SYT9: variants seen among roughly 807,000 people sequenced by gnomAD.
SYT9 encodes synaptotagmin-9.
A neutral mutation model predicts 48.4 loss-of-function variants in SYT9; 22 were observed. The observed-to-expected ratio is 0.45, with a 90% CI of 0.32 to 0.65. SYT9 has a LOEUF of 0.65. SYT9 is among the 30% of genes least tolerant of loss of function. The probability of loss-of-function intolerance (pLI) is 0.03; values close to 1 mark genes in which losing one functional copy is unlikely to be tolerated. For missense variants in SYT9, 577 were observed against 622.0 expected (o/e 0.93, Z 0.77); for synonymous variants, 265 against 245.0 (o/e 1.08, Z -0.76).
chr11:7,329,092 A>G (rs1370700187), intron 3 of SYT9, among the ~76,000 whole-genome samples: 1 of 152,202 alleles, frequency 6.6e-6, no homozygotes, highest in East Asian at 1.9e-4. Context: ...TGTCTCATCA[A>G]TTCTGAAAAT....
intron 3 of SYT9, among the ~76,000 whole-genome samples, chr11:7,366,454 C>A (rs1317484486): frequency 6.6e-6 from 1 of 152,116 alleles, no homozygotes; most frequent in African/African-American, 2.4e-5. Context: ...CTTAATAAAA[C>A]TCTTAATAGA....
intron 6 of SYT9, among the ~76,000 whole-genome samples, chr11:7,448,197 T>C (rs1847971766): frequency 6.6e-6 from 1 of 152,246 alleles, no homozygotes; most frequent in African/African-American, 2.4e-5. Context: ...TGAGACAGTC[T>C]AGTGACTTTG....
At chr11:7,276,821 G>A (rs1000843950) in intron 1 of SYT9, among the ~76,000 whole-genome samples, 1 of 152,124 alleles carries the variant, frequency 6.6e-6, no homozygotes, top group African/African-American at 2.4e-5. Flanking sequence ...GCCAAGGCGG[G>A]TGGATCACGA....
chr11:7,253,154 C>A (rs1847905187), intron 1 of SYT9, among the ~76,000 whole-genome samples: 1 of 152,204 alleles, frequency 6.6e-6, no homozygotes, highest in African/African-American at 2.4e-5. Flanking sequence ...CCTGGGTCTC[C>A]CAGGTCGTCT....
intron 3 of SYT9, among the ~76,000 whole-genome samples, chr11:7,316,853 G>A (rs1182490442): frequency 6.6e-6 from 1 of 152,172 alleles, no homozygotes; most frequent in African/African-American, 2.4e-5. Context: ...TATATTATTG[G>A]CATTTCTTCA....
chr11:7,295,999 A>G (rs1564851274), intron 1 of SYT9, among the ~76,000 whole-genome samples: 1 of 152,166 alleles, frequency 6.6e-6, no homozygotes, highest in African/African-American at 2.4e-5. Context: ...ATGCCAGGCC[A>G]TTTTTTAAAG....
chr11:7,394,389 C>A (rs550626820), intron 3 of SYT9, among the ~76,000 whole-genome samples: 3 of 152,210 alleles, frequency 2.0e-5, no homozygotes, highest in East Asian at 3.9e-4. Context: ...GGTTCCAAGT[C>A]TTTGCTATTG....
chr11:7,373,186 T>C (rs999126202), intron 3 of SYT9, among the ~76,000 whole-genome samples: 3 of 152,154 alleles, frequency 2.0e-5, no homozygotes, highest in African/African-American at 7.2e-5. Flanking sequence ...ACCTATAGTT[T>C]TGTTTGCATC....
chr11:7,283,147 G>GTATA (rs35272670), intron 1 of SYT9, among the ~76,000 whole-genome samples: 334 of 139,894 alleles, frequency 2.4e-3, no homozygotes, highest in East Asian at 0.016. Context: ...GTATGTGTGT[G>GTATA]TATATATATA....
chr11:7,447,767 A>C (rs1439830442), intron 6 of SYT9, among the ~76,000 whole-genome samples: 2 of 152,120 alleles, frequency 1.3e-5, no homozygotes, highest in African/African-American at 4.8e-5. Flanking sequence ...TCCTGAATCA[A>C]CTATGAGTTC....
At chr11:7,295,302 A>G (rs1048242064) in intron 1 of SYT9, among the ~76,000 whole-genome samples, 1 of 152,232 alleles carries the variant, frequency 6.6e-6, no homozygotes, top group African/African-American at 2.4e-5. Flanking sequence ...CCAACTAAAT[A>G]TCCTGTTTCA....
rs1589886875 is a variant in SYT9, at chr11:7,252,643, A to G, written c.145+312A>G. On this transcript the variant is annotated intron_variant, in intron 1 of 6. Coordinates refer to ENST00000318881, the MANE Select transcript of SYT9 (RefSeq NM_175733.4). The surrounding 1 kb of genome is among the most constrained non-coding windows in gnomAD (Gnocchi z 6.3). ...TCCCTAGCTCCGAGCTACGCTCTCC[A>G]CTTCCCGGGCTATCTGCACTCAGAG... is the stretch of plus-strand genomic sequence containing the variant. Among the ~76,000 whole-genome samples the G allele has an allele frequency of 1.3e-5, 2 of 152,192 alleles. No homozygotes were observed. Among genetic ancestry groups the G allele is most frequent in the African/African-American group, 2.4e-5 (1 of 41,532 alleles).
At chr11:7,262,840 T>C (rs1848104990) in intron 1 of SYT9, among the ~76,000 whole-genome samples, 1 of 152,054 alleles carries the variant, frequency 6.6e-6, no homozygotes, top group Non-Finnish European at 1.5e-5. Flanking sequence ...AAAGACAGAA[T>C]AGTCTTTTAA....
At chr11:7,399,460 T>G (rs957802814) in intron 3 of SYT9, among the ~76,000 whole-genome samples, 2 of 152,106 alleles carry the variant, frequency 1.3e-5, no homozygotes, top group Non-Finnish European at 1.5e-5. Context: ...TTGAGGGGAA[T>G]TATGAATATT....
At chr11:7,461,672 A>C (rs57252435) in intron 6 of SYT9, among the ~76,000 whole-genome samples, 49,543 of 152,088 alleles carry the variant, frequency 0.33, 9,314 homozygotes, top group African/African-American at 0.52. Context: ...AGCGCTGAGC[A>C]TAACTTTGTT....
intron 3 of SYT9, among the ~76,000 whole-genome samples, chr11:7,390,193 T>A (rs1487824762): frequency 2.0e-5 from 3 of 152,188 alleles, no homozygotes; most frequent in African/African-American, 7.2e-5. Context: ...ATCCATGTGT[T>A]CTCATTGTTC....
intron 1 of SYT9, among the ~76,000 whole-genome samples, chr11:7,274,315 A>ATT (rs1728396714): frequency 7.8e-6 from 1 of 127,648 alleles, no homozygotes; most frequent in African/African-American, 3.0e-5. Context: ...TGTGAAGTTC[A>ATT]TCTTTTTTTT....
chr11:7,350,272 A>G (rs913186946), intron 3 of SYT9, among the ~76,000 whole-genome samples: 12 of 152,218 alleles, frequency 7.9e-5, no homozygotes, highest in African/African-American at 2.7e-4. Context: ...CTCAAGTTGC[A>G]GTAGATGCTC....
chr11:7,381,758 A>C (rs1323641732), intron 3 of SYT9, among the ~76,000 whole-genome samples: 2 of 152,224 alleles, frequency 1.3e-5, no homozygotes, highest in African/African-American at 4.8e-5. Flanking sequence ...AGGAAGGCAC[A>C]GAGGTTACTG....
Sources: allele counts gnomAD v4.1 joint callset (sites outside exome capture counted in the v4.1 genomes callset), GRCh38; gene constraint gnomAD v4.1.1; non-coding constraint Gnocchi (gnomAD v3.1); transcripts MANE v1.5; gene names NCBI Gene and HGNC (gene_info 2026-07-23, HGNC 2026-07-21).